The following RBM5 variants were observed in gnomAD, a reference collection of about 807,000 sequenced individuals.
RBM5 encodes RNA-binding protein 5.
Under a neutral mutation model 124.6 loss-of-function variants are expected in RBM5, and 15 were observed. The ratio of observed to expected loss-of-function variants is 0.12; its 90% CI spans 0.08 to 0.19. RBM5 has a LOEUF of 0.19. Ranked by LOEUF, RBM5 falls within the 10% of genes least tolerant of loss-of-function variation. RBM5 has a pLI of 1.00. For missense variants in RBM5, 580 were observed against 1,026.5 expected (o/e 0.57, Z 5.94); for synonymous variants, 337 against 361.2 (o/e 0.93, Z 0.76).
At position 50,117,332 on chromosome 3, in the gene RBM5, G is replaced by C; in HGVS notation, c.2275G>C (p.Gly759Arg). The change falls in exon 24 of 25, where the codon GGC becomes CGC. Residue 759 changes from glycine to arginine, a missense_variant. Gly to Arg is a moderately radical substitution (Grantham distance 125). Coordinates refer to ENST00000347869, the MANE Select transcript of RBM5 (RefSeq NM_005778.4). This position sits in a 1 kb window ranked among gnomAD's most constrained non-coding sequence, Gnocchi z 4.2. Reference sequence around the variant, plus strand: ...GCTGCAGGCCATGGGCTGGCGGGAAGGCTCTGGCTTGGGACGAAAGTGTCA... The same window carrying C: ...GCTGCAGGCCATGGGCTGGCGGGAACGCTCTGGCTTGGGACGAAAGTGTCA... ...KMLQAMGWRE[G>R]SGLGRKCQGI... 6.2e-7 allele frequency: 1 copy of C among 1,614,236 alleles called. No homozygotes were observed. Among genetic ancestry groups the C allele is most frequent in the Non-Finnish European group, 8.5e-7 (1 of 1,180,052 alleles).
At chr3:50,115,360 C>G in intron 20 of RBM5, 68 bp from the exon 21 acceptor site, 1 of 1,536,270 alleles carries the variant, frequency 6.5e-7, no homozygotes, top group Non-Finnish European at 8.9e-7. Context: ...ATTACTTTAT[C>G]CAGGTACATA....
At chr3:50,104,882 C>T (rs998751800) in intron 8 of RBM5, 195 bp from the exon 9 acceptor site, 1 of 517,054 alleles carries the variant, frequency 1.9e-6, no homozygotes, top group African/African-American at 1.9e-5. Flanking sequence ...GTGTCAGTCC[C>T]ACTGTGGCCC....
intron 1 of RBM5, among the ~76,000 whole-genome samples, chr3:50,089,606 GT>G (rs1682739407): frequency 6.6e-6 from 1 of 152,250 alleles, no homozygotes; most frequent in South Asian, 2.1e-4. Context: ...CCCGGGACTT[GT>G]TTCCCCCCAG....
chr3:50,106,728 A>AT (rs1363616128), intron 10 of RBM5, 39 bp from the exon 11 acceptor site: 8 of 1,422,212 alleles, frequency 5.6e-6, no homozygotes, highest in Non-Finnish European at 7.9e-6. Context: ...GAGATTTTTA[A>AT]TTGCATTACA....
chr3:50,113,616 A>G, intron 18 of RBM5, 72 bp downstream of exon 18: 1 of 1,446,694 alleles, frequency 6.9e-7, no homozygotes, highest in Non-Finnish European at 9.3e-7. Context: ...TGTAGCATTT[A>G]TGTCAGTATT....
intron 2 of RBM5, 63 bp from the exon 3 acceptor site, chr3:50,091,980 A>T: frequency 6.5e-7 from 1 of 1,537,206 alleles, no homozygotes; most frequent in South Asian, 1.1e-5. Flanking sequence ...TGTATTTTTA[A>T]CTATGTCTTT....
In RBM5 at chr3:50,106,118, A is replaced by ATTTTTTTTTTT. The variant is rs61297967; in HGVS notation, c.855+433_855+443dup. 6.1e-4 allele frequency among the ~76,000 whole-genome samples: 20 copies of ATTTTTTTTTTT among 32,754 alleles called. 3 individuals are homozygous for ATTTTTTTTTTT. The highest frequency in any genetic ancestry group is 1.6e-3 in the African/African-American group (17 of 10,560). 21.5% of individuals were successfully genotyped at this position (32,754 alleles called of 152,430 possible). On this transcript the variant is annotated intron_variant, in intron 10 of 24. Coordinates refer to ENST00000347869, the MANE Select transcript of RBM5 (RefSeq NM_005778.4). ...CAGGTGCCCGCCACCACGCCCAGCT[A>ATTTTTTTTTTT]TTTTTTTTTTTTTTTTTTTTTTTTT...
chr3:50,107,688 T>C (rs2091063164), intron 12 of RBM5, 119 bp downstream of exon 12: 1 of 583,230 alleles, frequency 1.7e-6, no homozygotes, highest in Admixed American at 3.9e-5. Context: ...TTTTTTTTTT[T>C]TTTTTTTTTT....
At chr3:50,116,245 AC>A (rs2091250602) in intron 22 of RBM5, 2 of 438,726 alleles carry the variant, frequency 4.6e-6, no homozygotes, top group African/African-American at 4.0e-5. Flanking sequence ...CTGCTTAAAT[AC>A]GCTGGATTTT....
intron 4 of RBM5, among the ~76,000 whole-genome samples, chr3:50,096,473 G>A (rs1172256249): frequency 6.6e-6 from 1 of 152,046 alleles, no homozygotes; most frequent in African/African-American, 2.4e-5. Flanking sequence ...GAGCGACAGA[G>A]CAAGACCCTG....
chr3:50,116,689 T>A, intron 22 of RBM5: 1 of 281,806 alleles, frequency 3.5e-6, no homozygotes, highest in Non-Finnish European at 6.9e-6. Flanking sequence ...CTCCTTGATG[T>A]TGGAGGTATG....
rs1028120785 is a variant in RBM5, at chr3:50,117,210, C to T, written c.2192+39C>T. 1 of 1,614,052 alleles carries T rather than the reference C, an allele frequency of 6.2e-7. No individual in the cohort carries two copies. Among genetic ancestry groups the T allele is most frequent in the Non-Finnish European group, 8.5e-7 (1 of 1,180,034 alleles). ...ACATTTTCCAGTTCGTAAGCTGGGGCCCTGGCTGTTTTAAGTAACTGTGTG... is the reference window on the plus strand; with the variant it reads ...ACATTTTCCAGTTCGTAAGCTGGGGTCCTGGCTGTTTTAAGTAACTGTGTG... On this transcript the variant is annotated intron_variant, in intron 23 of 24. Transcript: ENST00000347869. This position sits in a 1 kb window ranked among gnomAD's most constrained non-coding sequence, Gnocchi z 4.2.
chr3:50,090,284 G>T, intron 1 of RBM5, 98 bp from the exon 2 acceptor site: 3 of 730,858 alleles, frequency 4.1e-6, no homozygotes, highest in Non-Finnish European at 6.7e-6. Flanking sequence ...TGATTTGAAG[G>T]TTTGATGAAA....
Position 50,117,019 on chromosome 3 carries a change from C to A in RBM5, c.2095-55C>A. ...GATAGTTTTGAATAGGTGCATTAGA[C>A]GGTTACAGGTTGAAGTCTGTGAACA... On this transcript the variant is annotated intron_variant, in intron 22 of 24. Transcript: ENST00000347869. This position sits in a 1 kb window ranked among gnomAD's most constrained non-coding sequence, Gnocchi z 4.2. 1 of 1,500,842 alleles carries A rather than the reference C, an allele frequency of 6.7e-7. No individual in the cohort carries two copies. Among genetic ancestry groups the A allele is most frequent in the Non-Finnish European group, 9.3e-7 (1 of 1,078,016 alleles). 93.0% of individuals were successfully genotyped at this position (1,500,842 alleles called of 1,614,324 possible).
intron 11 of RBM5, chr3:50,107,234 C>CTT: frequency 1.7e-6 from 1 of 601,658 alleles, no homozygotes. Context: ...GTAAATTTCC[C>CTT]TTTTTTTAGT....
rs572159488 is a variant in RBM5 at position 50,104,437 on chromosome 3, A to G, written c.628+129A>G. 1.3e-4 allele frequency: 109 copies of G among 859,982 alleles called. 2 individuals carry two copies. In the South Asian group the frequency reaches 1.4e-3, roughly 11 times the overall value. The allele number at this position is 859,982 out of a possible 1,614,324, so 53.3% of individuals were successfully genotyped here. ...AAGATCACTTGAGGACAGGAGTTCA[A>G]TACCAGCCTGGCAAGAGATAGCAAG... On this transcript the variant is annotated intron_variant, in intron 8 of 24. Transcript: ENST00000347869.
At chr3:50,109,504 T>C (rs573103289) in intron 14 of RBM5, 99 bp from the exon 15 acceptor site, 5 of 927,574 alleles carry the variant, frequency 5.4e-6, no homozygotes, top group Middle Eastern at 2.1e-4. Context: ...AACTGACATA[T>C]ACAATGACAG....
intron 20 of RBM5, chr3:50,115,205 T>C: frequency 2.0e-6 from 1 of 505,790 alleles, no homozygotes; most frequent in East Asian, 3.8e-5. Context: ...AGGAATCCAT[T>C]TCTTAGGCTC....
chr3:50,110,583 A>G (rs1575329840), intron 16 of RBM5, 96 bp from the exon 17 acceptor site: 2 of 1,433,582 alleles, frequency 1.4e-6, no homozygotes, highest in East Asian at 4.6e-5. Flanking sequence ...GAGACAGAGA[A>G]GAAACATTAG....
Sources: allele counts gnomAD v4.1 joint callset (sites outside exome capture counted in the v4.1 genomes callset), GRCh38; gene constraint gnomAD v4.1.1; non-coding constraint Gnocchi (gnomAD v3.1); transcripts MANE v1.5; gene names NCBI Gene and HGNC (gene_info 2026-07-23, HGNC 2026-07-21).